The following NRIP1 variants were observed in gnomAD, a reference collection of about 807,000 sequenced individuals.
NRIP1 encodes nuclear receptor-interacting protein 1.
NRIP1 carries 28 observed loss-of-function variants against 75.0 expected under a neutral mutation model. That is an observed-to-expected ratio of 0.37 (90% CI 0.28 to 0.51). NRIP1 has a LOEUF of 0.51. Among genes scored for constraint, NRIP1 ranks in the 20% least tolerant of loss-of-function variants. NRIP1 has a pLI of 0.92. For synonymous variants in NRIP1, 526 were observed against 487.6 expected, an observed-to-expected ratio of 1.08 and a Z score of -1.04; for missense variants, 1,435 against 1,343.7, an observed-to-expected ratio of 1.07 and a Z score of -1.06.
chr21:14,976,972 A>G (rs573078705), intron 3 of NRIP1, among the ~76,000 whole-genome samples: 2 of 152,300 alleles, frequency 1.3e-5, no homozygotes, highest in East Asian at 1.9e-4. Flanking sequence ...TGCAATATCA[A>G]GTAATACCTA....
At chr21:15,049,604 G>C (rs2147357737) in intron 1 of NRIP1, among the ~76,000 whole-genome samples, 1 of 152,150 alleles carries the variant, frequency 6.6e-6, no homozygotes, top group African/African-American at 2.4e-5. Flanking sequence ...TACATATGCA[G>C]ACTGTGAAGT....
intron 3 of NRIP1, among the ~76,000 whole-genome samples, chr21:14,979,814 A>G (rs897556714): frequency 3.3e-5 from 5 of 152,120 alleles, no homozygotes; most frequent in African/African-American, 1.2e-4. Context: ...GCACCCGGCC[A>G]GAATTGTGAA....
At chr21:15,047,716 A>AC (rs1471188401) in intron 1 of NRIP1, among the ~76,000 whole-genome samples, 1 of 152,142 alleles carries the variant, frequency 6.6e-6, no homozygotes, top group Non-Finnish European at 1.5e-5. Context: ...TTGGGTGGAG[A>AC]CACAGCCAAA....
At chr21:15,057,782 T>C (rs531691324) in intron 1 of NRIP1, among the ~76,000 whole-genome samples, 45 of 152,308 alleles carry the variant, frequency 3.0e-4, no homozygotes, top group South Asian at 8.3e-4. Flanking sequence ...GGTTTCCTTA[T>C]CTCTAAACTA....
intron 3 of NRIP1, among the ~76,000 whole-genome samples, chr21:14,978,260 G>C (rs2087132356): frequency 6.6e-6 from 1 of 152,160 alleles, no homozygotes; most frequent in South Asian, 2.1e-4. Context: ...CAAGTAATTT[G>C]TCAAATTATA....
chr21:15,024,050 T>C (rs2088446766), intron 2 of NRIP1, among the ~76,000 whole-genome samples: 1 of 152,248 alleles, frequency 6.6e-6, no homozygotes, highest in Non-Finnish European at 1.5e-5. Flanking sequence ...AGAGAAGGCA[T>C]GTCTTTAATA....
In NRIP1 at chr21:14,965,631, C is replaced by G. The variant is rs192032924; in HGVS notation, c.2562G>C (p.Met854Ile). The change falls in exon 4 of 4, where the codon ATG becomes ATC. Residue 854 changes from methionine (M) to isoleucine (I), a missense_variant. By Grantham distance (10) the Met-to-Ile change is conservative. Coordinates refer to ENST00000318948, the MANE Select transcript of NRIP1 (RefSeq NM_003489.4). ...TATAAAGCTTCCTTTTCTTAGGGAC[C>G]ATGCAAAGATTCTTTGATTCTAGAA... Reference protein sequence around the residue: ...MALLESKNLCMVPKKRKLYTE... With the variant: ...MALLESKNLCIVPKKRKLYTE... 5 of 1,613,254 alleles carry G rather than the reference C, an allele frequency of 3.1e-6. No homozygotes were observed. In the African/African-American group the frequency reaches 6.7e-5, roughly 22 times the overall value.
chr21:14,997,118 T>G (rs1211518195), intron 3 of NRIP1, among the ~76,000 whole-genome samples: 1 of 152,020 alleles, frequency 6.6e-6, no homozygotes. Flanking sequence ...CACCCCAGTC[T>G]CCTACAGATC....
At chr21:15,046,436 A>T (rs2089076607) in intron 1 of NRIP1, among the ~76,000 whole-genome samples, 1 of 152,222 alleles carries the variant, frequency 6.6e-6, no homozygotes, top group Admixed American at 6.5e-5. Context: ...GGGGCCTAAA[A>T]TATTCAGCAA....
At chr21:14,979,102 T>C (rs2087159842) in intron 3 of NRIP1, among the ~76,000 whole-genome samples, 1 of 152,208 alleles carries the variant, frequency 6.6e-6, no homozygotes, top group African/African-American at 2.4e-5. Flanking sequence ...TAGTTTTTCT[T>C]AATGAACACA....
chr21:15,019,470 C>CTTTTTTTTTTTTTTTTTTTTT (rs539278321), intron 2 of NRIP1, among the ~76,000 whole-genome samples: 1 of 38,696 alleles, frequency 2.6e-5, no homozygotes, highest in East Asian at 9.2e-4. Flanking sequence ...AACTGCATTT[C>CTTTTTTTTTTTTTTTTTTTTT]TTTTTTTTTT....
chr21:15,046,409 GC>G (rs767916122), intron 1 of NRIP1, among the ~76,000 whole-genome samples: 2 of 152,142 alleles, frequency 1.3e-5, no homozygotes, highest in Non-Finnish European at 2.9e-5. Flanking sequence ...TTTTTTCTGA[GC>G]AGTTGGTCTC....
rs1219108945 is a variant in NRIP1 at position 14,966,836 on chromosome 21, C to G, written c.1357G>C (p.Glu453Gln). 2 of 1,614,070 alleles carry G rather than the reference C, an allele frequency of 1.2e-6. No individual in the cohort carries two copies. Among genetic ancestry groups the G allele is most frequent in the Non-Finnish European group, 8.5e-7 (1 of 1,179,996 alleles). ...LSCKHRTEKSESDQPVSLDNF... is the reference protein window; with the variant it reads ...LSCKHRTEKSQSDQPVSLDNF... ...TCCAGGGAAACAGGTTGGTCAGATTCTGATTTTTCAGTTCGGTGTTTGCAA... is the reference window on the plus strand; with the variant it reads ...TCCAGGGAAACAGGTTGGTCAGATTGTGATTTTTCAGTTCGGTGTTTGCAA... The change falls in exon 4 of 4, where the codon GAA (glutamate) becomes CAA (glutamine). Residue 453 changes from glutamate (E) to glutamine (Q), a missense_variant. By Grantham distance (29) the Glu-to-Gln change is conservative. Transcript: ENST00000318948.
chr21:14,971,390 T>C (rs1220198432), intron 3 of NRIP1: 5 of 152,198 alleles, frequency 3.3e-5, no homozygotes, highest in Non-Finnish European at 7.3e-5. Context: ...CTGTAGTTCA[T>C]CACTTGAAGG....
At chr21:14,984,974 G>A (rs989721860) in intron 3 of NRIP1, among the ~76,000 whole-genome samples, 1 of 152,144 alleles carries the variant, frequency 6.6e-6, no homozygotes, top group Non-Finnish European at 1.5e-5. Context: ...TAGTGTAAAC[G>A]TAACTTTTAT....
At chr21:15,003,801 C>T (rs1335408124) in intron 3 of NRIP1, among the ~76,000 whole-genome samples, 1 of 152,140 alleles carries the variant, frequency 6.6e-6, no homozygotes, top group African/African-American at 2.4e-5. Flanking sequence ...ACCTTTCAAC[C>T]CTTTAGGTAC....
chr21:14,965,401 T>G lies in NRIP1; in HGVS notation c.2792A>C (p.Lys931Thr). 1 of 1,614,076 alleles carries G rather than the reference T, an allele frequency of 6.2e-7. No individual in the cohort carries two copies. Reference protein sequence around the residue: ...SEHRSWARESKSFNVLKQLLL... With the variant: ...SEHRSWARESTSFNVLKQLLL... ...CAGCTGTTTCAGAACATTAAAGCTT[T>G]TGCTCTCTCTGGCCCAACTCCTGTG... is the stretch of plus-strand genomic sequence containing the variant. The change falls in exon 4 of 4, where the codon AAA becomes ACA. Residue 931 changes from lysine to threonine, a missense_variant. Physicochemically the swap from Lys to Thr is moderately conservative, Grantham distance 78 (BLOSUM62 -1). Coordinates refer to ENST00000318948, the MANE Select transcript of NRIP1 (RefSeq NM_003489.4).
At chr21:15,047,702 A>G (rs955389238) in intron 1 of NRIP1, among the ~76,000 whole-genome samples, 1 of 152,150 alleles carries the variant, frequency 6.6e-6, no homozygotes, top group African/African-American at 2.4e-5. Flanking sequence ...ATTCAAGATG[A>G]GATTTGGGTG....
At chr21:15,048,361 A>AT (rs1343981083) in intron 1 of NRIP1, among the ~76,000 whole-genome samples, 3 of 152,224 alleles carry the variant, frequency 2.0e-5, no homozygotes, top group African/African-American at 7.2e-5. Context: ...AAAATGAAGT[A>AT]TGCCTACACA....
Sources: gnomAD v4.1 joint callset for allele counts (sites outside exome capture counted in the v4.1 genomes callset) on GRCh38, gnomAD v4.1.1 for gene constraint, MANE v1.5 for transcripts, NCBI Gene and HGNC (gene_info 2026-07-23, HGNC 2026-07-21) for gene names.